The following ADCY8 variants were observed in gnomAD, a reference collection of about 807,000 sequenced individuals.
ADCY8 encodes adenylate cyclase type 8.
Under a neutral mutation model 119.7 loss-of-function variants are expected in ADCY8, and 51 were observed. That is an observed-to-expected ratio of 0.43 (90% CI 0.34 to 0.54). ADCY8 has a LOEUF of 0.54. ADCY8 is among the 20% of genes least tolerant of loss of function. The pLI, the probability that ADCY8 is intolerant of heterozygous loss-of-function variation, is 0.03. For missense variants in ADCY8, 1,383 were observed against 1,598.8 expected (o/e 0.87, Z 2.30); for synonymous variants, 665 against 651.0 (o/e 1.02, Z -0.33).
At chr8:130,929,810 G>T (rs1409390457) in intron 5 of ADCY8, among the ~76,000 whole-genome samples, 1 of 151,992 alleles carries the variant, frequency 6.6e-6, no homozygotes, top group African/African-American at 2.4e-5. Context: ...GTATTTTTAG[G>T]TACTTTGATG....
chr8:130,847,377 A>G (rs761810123), intron 11 of ADCY8, 47 bp downstream of exon 11: 1 of 1,392,362 alleles, frequency 7.2e-7, no homozygotes, highest in Admixed American at 1.8e-5. Context: ...GCTGGTAGAG[A>G]TATATCTATG....
At chr8:131,008,913 A>G (rs745868657) in intron 1 of ADCY8, among the ~76,000 whole-genome samples, 9 of 152,198 alleles carry the variant, frequency 5.9e-5, no homozygotes, top group Non-Finnish European at 8.8e-5. Flanking sequence ...GATTGGCTGC[A>G]TTTTGCCCCT....
At chr8:130,961,731 T>C (rs1399043030) in intron 2 of ADCY8, among the ~76,000 whole-genome samples, 1 of 152,148 alleles carries the variant, frequency 6.6e-6, no homozygotes, top group East Asian at 1.9e-4. Flanking sequence ...CCTCAGCAAC[T>C]TCCTCAGTGC....
At chr8:130,799,445 A>G (rs1354572626) in intron 15 of ADCY8, among the ~76,000 whole-genome samples, 1 of 152,208 alleles carries the variant, frequency 6.6e-6, no homozygotes, top group East Asian at 1.9e-4. Flanking sequence ...AGCTGGATTG[A>G]ATGTAGGGAT....
At chr8:130,868,774 G>A (rs1818220543) in intron 8 of ADCY8, among the ~76,000 whole-genome samples, 1 of 152,160 alleles carries the variant, frequency 6.6e-6, no homozygotes, top group Middle Eastern at 3.2e-3. Flanking sequence ...ACTAGTAGCA[G>A]GCAGGTTATT....
At chr8:130,817,769 G>T (rs991250039) in intron 13 of ADCY8, among the ~76,000 whole-genome samples, 2 of 152,114 alleles carry the variant, frequency 1.3e-5, no homozygotes, top group African/African-American at 4.8e-5. Context: ...AACTTATAGG[G>T]AAAAAATTCA....
At chr8:130,785,114 C>G (rs969193853) in intron 16 of ADCY8, among the ~76,000 whole-genome samples, 1 of 152,200 alleles carries the variant, frequency 6.6e-6, no homozygotes, top group African/African-American at 2.4e-5. Context: ...TCACAATAGG[C>G]TATTTCTGGG....
At chr8:131,011,327 G>T (rs974531099) in intron 1 of ADCY8, among the ~76,000 whole-genome samples, 2 of 152,168 alleles carry the variant, frequency 1.3e-5, no homozygotes, top group Non-Finnish European at 2.9e-5. Context: ...AGGCAAATTA[G>T]ATATGTTTTG....
chr8:130,910,710 A>G (rs2130553636), intron 5 of ADCY8, among the ~76,000 whole-genome samples: 1 of 152,328 alleles, frequency 6.6e-6, no homozygotes, highest in East Asian at 1.9e-4. Context: ...ATAGATTGAT[A>G]TTGGAAACTT....
chr8:130,877,062 T>A (rs1818594631), intron 8 of ADCY8, among the ~76,000 whole-genome samples: 1 of 152,138 alleles, frequency 6.6e-6, no homozygotes, highest in Non-Finnish European at 1.5e-5. Context: ...ATAAAGGAAG[T>A]TGTGACACTT....
chr8:131,029,255 A>G (rs1586669148), intron 1 of ADCY8, among the ~76,000 whole-genome samples: 1 of 152,362 alleles, frequency 6.6e-6, no homozygotes, highest in East Asian at 1.9e-4. Context: ...TAGCTGCAGG[A>G]AAACATTATG....
chr8:130,884,699 C>A lies in ADCY8; in HGVS notation c.1974G>T (p.Leu658Phe), dbSNP rs759408451. The A allele has an allele frequency of 6.2e-7, 1 of 1,613,888 alleles. No homozygotes were observed. Among genetic ancestry groups the A allele is most frequent in the South Asian group, 1.1e-5 (1 of 91,084 alleles). The change falls in exon 8 of 18, where the codon TTG becomes TTT. Residue 658 changes from leucine to phenylalanine, a missense_variant. Leu to Phe is a conservative substitution (Grantham distance 22). This residue lies in a region of ADCY8 where 928 missense variants were observed against 1,163.5 expected (regional missense o/e 0.80). Coordinates refer to ENST00000286355, the MANE Select transcript of ADCY8 (RefSeq NM_001115.3). ...TTTCCTCAGGCCCAGACTGGACATGCAAAGCTTGTGCAAGATGGTTTGGAA... is the reference window on the plus strand; with the variant it reads ...TTTCCTCAGGCCCAGACTGGACATGAAAAGCTTGTGCAAGATGGTTTGGAA... ...NLLPNHLAQALHVQSGPEEIN... is the reference protein window; with the variant it reads ...NLLPNHLAQAFHVQSGPEEIN...
At chr8:131,028,371 G>C (rs112084495) in intron 1 of ADCY8, among the ~76,000 whole-genome samples, 2,098 of 152,252 alleles carry the variant, frequency 0.014, 32 homozygotes, top group African/African-American at 0.029. Context: ...AAATAGAAAA[G>C]AGGAGACTTT....
At chr8:130,790,466 C>T (rs117976834) in intron 15 of ADCY8, among the ~76,000 whole-genome samples, 13 of 152,282 alleles carry the variant, frequency 8.5e-5, no homozygotes, top group Middle Eastern at 6.8e-3. Flanking sequence ...TGTCAAAGTT[C>T]GCTCCGTGCC....
Position 131,021,153 on chromosome 8 carries a change from TA to T in ADCY8, c.960+18220del, listed in dbSNP as rs1563771184. Among the ~76,000 whole-genome samples the T allele has an allele frequency of 3.3e-5, 5 of 152,322 alleles. No individual in the cohort carries two copies. The South Asian group carries it at 8.3e-4, about 25-fold the overall frequency. Reference sequence around the variant, plus strand: ...AGCCAATATTGATTAGAAATTATATTAGATATTGGTAAAGGAGAACTAAAAC... The same window carrying T: ...AGCCAATATTGATTAGAAATTATATTGATATTGGTAAAGGAGAACTAAAAC... On this transcript the variant is annotated intron_variant, in intron 1 of 17. Coordinates refer to ENST00000286355, the MANE Select transcript of ADCY8 (RefSeq NM_001115.3).
chr8:130,806,504 G>A (rs2130134611), intron 14 of ADCY8, among the ~76,000 whole-genome samples: 1 of 152,290 alleles, frequency 6.6e-6, no homozygotes, highest in Admixed American at 6.5e-5. Context: ...ATGAGGGCAG[G>A]AAGTAGGGAA....
At chr8:130,964,644 C>T (rs1049759938) in intron 2 of ADCY8, among the ~76,000 whole-genome samples, 2 of 152,138 alleles carry the variant, frequency 1.3e-5, no homozygotes, top group Non-Finnish European at 2.9e-5. Flanking sequence ...TTTGAAAGTA[C>T]TTTTAAATTC....
chr8:130,794,348 G>T (rs1815515333), intron 15 of ADCY8, among the ~76,000 whole-genome samples: 1 of 152,176 alleles, frequency 6.6e-6, no homozygotes, highest in Admixed American at 6.5e-5. Context: ...AGGTTCAAGT[G>T]ATTCTCCTGC....
intron 7 of ADCY8, among the ~76,000 whole-genome samples, chr8:130,897,984 C>G (rs956156037): frequency 6.6e-6 from 1 of 151,634 alleles, no homozygotes; most frequent in South Asian, 2.1e-4. Flanking sequence ...TTCACACACA[C>G]TACACACACA....
Sources: allele counts gnomAD v4.1 joint callset (sites outside exome capture counted in the v4.1 genomes callset), GRCh38; gene constraint gnomAD v4.1.1; regional missense constraint gnomAD v4.1.1; transcripts MANE v1.5; gene names NCBI Gene and HGNC (gene_info 2026-07-23, HGNC 2026-07-21).